The following MINPP1 variants were observed in gnomAD, a reference collection of about 807,000 sequenced individuals.
MINPP1 encodes the protein multiple inositol-polyphosphate phosphatase 1.
In MINPP1, 28 loss-of-function variants were observed where a neutral mutation model predicts 46.1. That is an observed-to-expected ratio of 0.61 (90% CI 0.45 to 0.83). MINPP1 has a LOEUF of 0.83. MINPP1 is among the 40% of genes least tolerant of loss of function. MINPP1 has a pLI of 0.00. For synonymous variants in MINPP1, 268 were observed against 249.1 expected (o/e 1.08, Z -0.72); for missense variants, 603 against 610.0 (o/e 0.99, Z 0.12).
chr10:87,519,763 A>C (rs577688389), intron 3 of MINPP1, among the ~76,000 whole-genome samples: 1 of 151,888 alleles, frequency 6.6e-6, no homozygotes, highest in Non-Finnish European at 1.5e-5. Context: ...AAGGTTTGTG[A>C]CTATTGTAGT....
At chr10:87,544,340 A>G (rs966360006) in intron 4 of MINPP1, among the ~76,000 whole-genome samples, 12 of 151,980 alleles carry the variant, frequency 7.9e-5, no homozygotes, top group Admixed American at 2.6e-4. Flanking sequence ...CCCTCCAGGA[A>G]CCTCCACATT....
At chr10:87,508,147 A>T in intron 1 of MINPP1, 189 bp from the exon 2 acceptor site, 4 of 1,535,738 alleles carry the variant, frequency 2.6e-6, no homozygotes, top group Non-Finnish European at 3.5e-6. Flanking sequence ...AGCTATTCTC[A>T]TGCGTTACAG....
rs141533495 is a variant in MINPP1, at chr10:87,520,057, AGTGT to A, written c.934-960_934-957del. ...TCATTCTTAGAAATATAAAAGGTAT[AGTGT>A]GTGTGTGTGTGTGTGTGTTGGTAAT... is the stretch of plus-strand genomic sequence containing the variant. On this transcript the variant is annotated intron_variant, in intron 3 of 4. Transcript: ENST00000371996. 4.8e-5 allele frequency among the ~76,000 whole-genome samples: 7 copies of A among 147,362 alleles called. 1 individual carries two copies. In the East Asian group the frequency reaches 6.0e-4, roughly 13 times the overall value.
At chr10:87,529,347 C>T (rs61654909) in intron 4 of MINPP1, among the ~76,000 whole-genome samples, 9,396 of 152,128 alleles carry the variant, frequency 0.062, 753 homozygotes, top group East Asian at 0.31. Context: ...TGGCTGGTAC[C>T]GGTTGTTCCT....
At chr10:87,531,976 A>G (rs746093616) in intron 4 of MINPP1, among the ~76,000 whole-genome samples, 1 of 152,218 alleles carries the variant, frequency 6.6e-6, no homozygotes, top group African/African-American at 2.4e-5. Context: ...ATCAAGTGAG[A>G]TAATACTTAT....
Position 87,504,919 on chromosome 10 carries a change from C to G in MINPP1, c.4C>G (p.Leu2Val), listed in dbSNP as rs747187209. Reference sequence around the variant, plus strand: ...CACTCCACTGACCGTCCCGACGATGCTACGCGCGCCCGGCTGCCTCCTCCG... The same window carrying G: ...CACTCCACTGACCGTCCCGACGATGGTACGCGCGCCCGGCTGCCTCCTCCG... MLRAPGCLLRTS... is the reference protein window; with the variant it reads MVRAPGCLLRTS... The change falls in exon 1 of 5, where the codon CTA (leucine) becomes GTA (valine). Residue 2 changes from leucine to valine, a missense_variant. This residue lies in a region of MINPP1 where 239 missense variants were observed against 189.4 expected (regional missense o/e 1.26). Coordinates refer to ENST00000371996, the MANE Select transcript of MINPP1 (RefSeq NM_004897.5). 2.5e-6 allele frequency: 4 copies of G among 1,610,402 alleles called. No homozygotes were observed. Among genetic ancestry groups the G allele is most frequent in the Non-Finnish European group, 2.5e-6 (3 of 1,179,162 alleles).
intron 4 of MINPP1, among the ~76,000 whole-genome samples, chr10:87,535,035 G>C (rs1383539363): frequency 6.6e-6 from 1 of 152,208 alleles, no homozygotes; most frequent in African/African-American, 2.4e-5. Flanking sequence ...AGTCTAGTAA[G>C]GAAGATGTCT....
chr10:87,529,698 C>G (rs879705610), intron 4 of MINPP1, among the ~76,000 whole-genome samples: 1 of 152,128 alleles, frequency 6.6e-6, no homozygotes, highest in Non-Finnish European at 1.5e-5. Context: ...TTGCTCTTCT[C>G]AAGGAGTATC....
intron 4 of MINPP1, among the ~76,000 whole-genome samples, chr10:87,534,633 A>G (rs1851707979): frequency 1.3e-5 from 2 of 152,214 alleles, no homozygotes; most frequent in Admixed American, 6.5e-5. Context: ...GTTGGAGAGT[A>G]TACCTACTCT....
intron 4 of MINPP1, among the ~76,000 whole-genome samples, chr10:87,548,159 G>A (rs954592180): frequency 1.3e-5 from 2 of 152,168 alleles, no homozygotes; most frequent in African/African-American, 2.4e-5. Flanking sequence ...TAGTAGGAGT[G>A]TATTCATGAC....
At chr10:87,523,654 A>G (rs892916092) in intron 4 of MINPP1, among the ~76,000 whole-genome samples, 2 of 151,852 alleles carry the variant, frequency 1.3e-5, no homozygotes, top group Non-Finnish European at 2.9e-5. Context: ...TTTCTTAAAT[A>G]TTTCTTAAAT....
chr10:87,514,137 G>A (rs1004219088), intron 3 of MINPP1, among the ~76,000 whole-genome samples: 2 of 152,042 alleles, frequency 1.3e-5, no homozygotes, highest in Non-Finnish European at 2.9e-5. Flanking sequence ...TATCAGGTAA[G>A]GTAACATATT....
At chr10:87,513,783 G>T (rs933330464) in intron 3 of MINPP1, among the ~76,000 whole-genome samples, 5 of 151,966 alleles carry the variant, frequency 3.3e-5, no homozygotes, top group Non-Finnish European at 7.4e-5. Flanking sequence ...AAACTTACTG[G>T]CTTAAAACAA....
Position 87,517,064 on chromosome 10 carries a change from G to A in MINPP1, c.933+3843G>A, listed in dbSNP as rs189617591. Among the ~76,000 whole-genome samples the A allele has an allele frequency of 3.5e-3, 530 of 152,148 alleles. 4 individuals are homozygous for A. The highest frequency in any genetic ancestry group is 0.012 in the African/African-American group (493 of 41,510). On this transcript the variant is annotated intron_variant, in intron 3 of 4. Coordinates refer to ENST00000371996, the MANE Select transcript of MINPP1 (RefSeq NM_004897.5). The stretch of plus-strand genomic sequence containing the variant: ...ACAACATACACTGGGGCCTTTCAGA[G>A]GGCAGAGGATGGGAAGAGAGAGAGG...
At position 87,504,949 on chromosome 10, in the gene MINPP1, T is replaced by C. The variant is rs747880842; in HGVS notation, c.34T>C (p.Ser12Pro). 4 of 1,611,522 alleles carry C rather than the reference T, an allele frequency of 2.5e-6. No individual in the cohort carries two copies. The highest frequency in any genetic ancestry group is 1.3e-5 in the African/African-American group (1 of 74,902). ...CGCGCCCGGCTGCCTCCTCCGGACC[T>C]CCGTAGCGCCTGCCGCGGCCCTGGC... ...LRAPGCLLRT[S>P]VAPAAALAAA... is the part of the protein sequence containing the mutation. Residue 12 changes from serine (S) to proline (P), a missense_variant, in exon 1 of 5, where the codon TCC (serine) becomes CCC (proline). Transcript: ENST00000371996.
In MINPP1 at chr10:87,508,502, T is replaced by G; in HGVS notation, c.804T>G (p.Thr268=). Residue 268 remains threonine (T), a synonymous_variant, in exon 2 of 5, where the codon ACT becomes ACG. Coordinates refer to ENST00000371996, the MANE Select transcript of MINPP1 (RefSeq NM_004897.5). ...MQNILKKVAA[T]LQVPVNDLNA... ...ACATTTTAAAAAAAGTTGCAGCTAC[T>G]TTGCAAGTGCCAGTAAATGATTTAA... 2 of 1,613,818 alleles carry G rather than the reference T, an allele frequency of 1.2e-6. No homozygotes were observed. The highest frequency in any genetic ancestry group is 1.7e-6 in the Non-Finnish European group (2 of 1,179,790).
intron 3 of MINPP1, among the ~76,000 whole-genome samples, chr10:87,519,366 T>A (rs7896327): frequency 1.9e-4 from 29 of 152,130 alleles, no homozygotes; most frequent in African/African-American, 6.5e-4. Flanking sequence ...AGGAGTGGTC[T>A]TGGCAAATTT....
intron 4 of MINPP1, among the ~76,000 whole-genome samples, chr10:87,531,757 C>A (rs1013560406): frequency 6.6e-6 from 1 of 152,110 alleles, no homozygotes; most frequent in East Asian, 1.9e-4. Context: ...TTTAAAATAT[C>A]GTATAAAACT....
At chr10:87,507,497 T>TA (rs1379756713) in intron 1 of MINPP1, among the ~76,000 whole-genome samples, 1 of 12,076 alleles carries the variant, frequency 8.3e-5, no homozygotes, top group Non-Finnish European at 1.4e-4. Context: ...TACATACTGA[T>TA]TTTTTTTGCA....
Sources: allele counts gnomAD v4.1 joint callset (sites outside exome capture counted in the v4.1 genomes callset), GRCh38; gene constraint gnomAD v4.1.1; regional missense constraint gnomAD v4.1.1; transcripts MANE v1.5; gene names NCBI Gene and HGNC (gene_info 2026-07-23, HGNC 2026-07-21).